The following GGT1 variants were observed in gnomAD, a reference collection of about 807,000 sequenced individuals.
GGT1 encodes the protein glutathione hydrolase 1 proenzyme.
GGT1 carries 21 observed loss-of-function variants against 56.0 expected under a neutral mutation model. The ratio of observed to expected loss-of-function variants is 0.38; its 90% confidence interval spans 0.27 to 0.54. The LOEUF is 0.54. GGT1 is among the 20% of genes least tolerant of loss of function. GGT1 has a pLI of 0.82. For missense variants in GGT1, 466 were observed against 787.0 expected (o/e 0.59, Z 4.88); for synonymous variants, 238 against 342.6 (o/e 0.69, Z 3.37).
the GGT1 span, chr22:24,589,192 C>G: frequency 8.3e-7 from 1 of 1,200,764 alleles, no homozygotes; most frequent in Non-Finnish European, 1.1e-6. Flanking sequence ...CTGGTCACAG[C>G]CACACATCCT....
the GGT1 span, chr22:24,588,150 G>C: frequency 7.1e-6 from 9 of 1,270,802 alleles, no homozygotes; most frequent in African/African-American, 1.2e-4. Context: ...GAGAGTGCAG[G>C]TGTCAACCTG....
rs1429296497 is a variant in GGT1 at position 24,608,019 on chromosome 22, C to G, written c.-363C>G. 2 of 469,038 alleles carry G rather than the reference C, an allele frequency of 4.3e-6. No homozygotes were observed. Among genetic ancestry groups the G allele is most frequent in the Admixed American group, 4.7e-5 (2 of 42,532 alleles). The allele number at this position is 469,038 out of a possible 1,614,324, so 29.1% of individuals were successfully genotyped here. On this transcript the variant is annotated 5_prime_UTR_variant, in exon 2 of 16. Coordinates refer to ENST00000400382, the MANE Select transcript of GGT1 (RefSeq NM_001288833.2). ...TCCTGGGCCCCCACTGTCCCCAGGC[C>G]TCAGGTAAGCCCATCAGGGTCCCAA...
At position 24,620,517 on chromosome 22, in the gene GGT1, T is replaced by G. The variant is rs1404994899; in HGVS notation, c.572T>G (p.Leu191Trp). 13 of 1,611,704 alleles carry G rather than the reference T, an allele frequency of 8.1e-6. No homozygotes were observed. The highest frequency in any genetic ancestry group is 1.1e-5 in the Non-Finnish European group (13 of 1,179,784). Reference protein sequence around the residue: ...KRTVIEQQPVLCEVFCRDRKV... With the variant: ...KRTVIEQQPVWCEVFCRDRKV... ...ACCGTCATCGAGCAGCAGCCTGTCT[T>G]GTGGTATGTCTGTGGGTGCGGCCCC... is the stretch of plus-strand genomic sequence containing the variant. Residue 191 changes from leucine to tryptophan, a missense_variant, in exon 8 of 16, where the codon TTG becomes TGG. Coordinates refer to ENST00000400382, the MANE Select transcript of GGT1 (RefSeq NM_001288833.2). This position sits in a 1 kb window ranked among gnomAD's most constrained non-coding sequence, Gnocchi z 5.6.
chr22:24,622,985 A>G, intron 9 of GGT1, 122 bp from the exon 10 acceptor site: 2 of 1,137,212 alleles, frequency 1.8e-6, no homozygotes, highest in Non-Finnish European at 2.6e-6. Flanking sequence ...TGGTAGGTAC[A>G]GGCTTTTCCC....
At chr22:24,588,497 G>A in the GGT1 span, 1 of 754,000 alleles carries the variant, frequency 1.3e-6, no homozygotes. Flanking sequence ...ACCCGGCTGT[G>A]GCCTGGCACA....
rs754530064 is a variant in GGT1, at chr22:24,627,920, C to T, written c.1277C>T (p.Ser426Phe). The T allele has an allele frequency of 7.4e-6, 12 of 1,613,908 alleles. No individual in the cohort carries two copies. In the South Asian group the frequency reaches 1.2e-4, roughly 16 times the overall value. Residue 426 changes from serine (S) to phenylalanine (F), a missense_variant, in exon 13 of 16, where the codon TCT (serine) becomes TTT (phenylalanine). Transcript: ENST00000400382. ...LFNNEMDDFS[S>F]PSITNEFGVP... ...AATAATGAAATGGACGACTTCAGCT[C>T]TCCCAGCATCACCAACGAGTTTGGG...
chr22:24,598,138 C>G (rs1023231874), intron 1 of GGT1: 7 of 152,160 alleles, frequency 4.6e-5, no homozygotes, highest in African/African-American at 1.7e-4. Context: ...TCAAAGGAAA[C>G]TTTAAAAGCT....
In GGT1 at chr22:24,614,804, G is replaced by A; in HGVS notation, c.193G>A (p.Val65Met). ...RDALRDGGSAVDAAIAALLCV... is the reference protein window; with the variant it reads ...RDALRDGGSAMDAAIAALLCV... ...TGCACTGCGGGACGGTGGCTCTGCG[G>A]TGGATGCAGCCATTGCAGCCCTGTT... The change falls in exon 6 of 16, where the codon GTG becomes ATG. Residue 65 changes from valine (V) to methionine (M), a missense_variant. Around this residue, in one of 2 missense-constraint regions of GGT1, gnomAD observed 456 missense variants for 716.7 expected, o/e 0.64. Coordinates refer to ENST00000400382, the MANE Select transcript of GGT1 (RefSeq NM_001288833.2). 6.2e-7 allele frequency: 1 copy of A among 1,613,626 alleles called. No individual in the cohort carries two copies. Among genetic ancestry groups the A allele is most frequent in the Non-Finnish European group, 8.5e-7 (1 of 1,179,708 alleles).
At chr22:24,606,041 TATATC>T (rs1392830198) in intron 1 of GGT1, among the ~76,000 whole-genome samples, 6 of 86,658 alleles carry the variant, frequency 6.9e-5, no homozygotes, top group African/African-American at 3.3e-4. Context: ...ATTTATATAA[TATATC>T]ATATATTATA....
At chr22:24,592,568 C>A, upstream of GGT1, 1 of 462,456 alleles carries the variant, frequency 2.2e-6, no homozygotes, top group South Asian at 1.9e-5. Context: ...ACCCTCAACA[C>A]ACACAACCCC....
At chr22:24,585,368 G>A in the GGT1 span, among the ~76,000 whole-genome samples, 1 of 152,246 alleles carries the variant, frequency 6.6e-6, no homozygotes, top group East Asian at 1.9e-4. Flanking sequence ...CCGCTCCTTC[G>A]CAGCTCCCCT....
At chr22:24,614,614 CAAAAAAA>C (rs4049879) in intron 5 of GGT1, among the ~76,000 whole-genome samples, 155 bp from the exon 6 acceptor site, 1 of 68,610 alleles carries the variant, frequency 1.5e-5, no homozygotes, top group African/African-American at 4.1e-5. Flanking sequence ...GACTCCATCT[CAAAAAAA>C]AAAAAAAAAA....
chr22:24,588,235 C>G, the GGT1 span: 6 of 1,613,146 alleles, frequency 3.7e-6, no homozygotes, highest in East Asian at 1.3e-4. Context: ...CTTCCTCTGG[C>G]GCAGGCTGGA....
upstream of GGT1, among the ~76,000 whole-genome samples, chr22:24,598,818 G>T (rs549787670): frequency 6.6e-6 from 1 of 152,146 alleles, no homozygotes. Flanking sequence ...CTCCCAAAGC[G>T]CTGGGATTAT....
At chr22:24,591,105 G>A (rs2045554691), upstream of GGT1, among the ~76,000 whole-genome samples, 1 of 152,226 alleles carries the variant, frequency 6.6e-6, no homozygotes, top group Admixed American at 6.5e-5. Context: ...TTGAGACGGA[G>A]TTTTGCTCTT....
chr22:24,627,442 A>G lies in GGT1; in HGVS notation c.1031A>G (p.Asn344Ser), dbSNP rs377589316. ...CTGGGGTCTCGGCAGGTGGTCCGCA[A>G]CATGACCTCCGAGTTCTTCGCTGCC... ...KFVDVTEVVR[N>S]MTSEFFAAQL... The change falls in exon 12 of 16, where the codon AAC (asparagine) becomes AGC (serine). Residue 344 changes from asparagine (N) to serine (S), a missense_variant. Asn to Ser is a conservative substitution (Grantham distance 46, BLOSUM62 1). Transcript: ENST00000400382. The G allele has an allele frequency of 8.9e-6, 13 of 1,464,786 alleles. No homozygotes were observed. In the African/African-American group the frequency reaches 1.6e-4, roughly 18 times the overall value. The allele number at this position is 1,464,786 out of a possible 1,614,324, so 90.7% of individuals were successfully genotyped here.
chr22:24,625,679 T>C (rs2096530), intron 11 of GGT1, among the ~76,000 whole-genome samples: 29 of 150,820 alleles, frequency 1.9e-4, no homozygotes, highest in South Asian at 1.5e-3. Context: ...GTAGCTGGGA[T>C]TACAGGCGCC....
At chr22:24,608,194 A>G (rs1304025941) in intron 2 of GGT1, among the ~76,000 whole-genome samples, 171 bp downstream of exon 2, 1 of 152,056 alleles carries the variant, frequency 6.6e-6, no homozygotes, top group Non-Finnish European at 1.5e-5. Context: ...GGGTGGAGGG[A>G]TGGGAAATGG....
intron 1 of GGT1, among the ~76,000 whole-genome samples, chr22:24,595,315 C>G (rs906971507): frequency 4.6e-5 from 7 of 152,166 alleles, no homozygotes; most frequent in Admixed American, 1.3e-4. Flanking sequence ...AATTTCTGGC[C>G]TAACCTGACT....
Sources: allele counts gnomAD v4.1 joint callset (sites outside exome capture counted in the v4.1 genomes callset), GRCh38; gene constraint gnomAD v4.1.1; regional missense constraint gnomAD v4.1.1; non-coding constraint Gnocchi (gnomAD v3.1); transcripts MANE v1.5; gene names NCBI Gene and HGNC (gene_info 2026-07-23, HGNC 2026-07-21).